SYNDIG1L: variants seen among roughly 807,000 people sequenced by gnomAD.
The protein encoded by SYNDIG1L is synapse differentiation-inducing gene protein 1-like.
In SYNDIG1L, 13 loss-of-function variants were observed where a neutral mutation model predicts 20.1. The ratio of observed to expected loss-of-function variants is 0.65; its 90% CI spans 0.42 to 1.03. The LOEUF (loss-of-function observed/expected upper bound fraction) is 1.03. Among genes scored for constraint, SYNDIG1L ranks in the 50% least tolerant of loss-of-function variants. The pLI is 0.00. For synonymous variants in SYNDIG1L, 128 were observed against 129.3 expected (o/e 0.99, Z 0.07); for missense variants, 294 against 305.1 (o/e 0.96, Z 0.27).
the SYNDIG1L span, among the ~76,000 whole-genome samples, chr14:74,442,085 G>T: frequency 6.6e-6 from 1 of 152,022 alleles, no homozygotes; most frequent in Non-Finnish European, 1.5e-5. Context: ...GTAACGTGGG[G>T]TTAATAATAG....
chr14:74,436,972 A>G, the SYNDIG1L span, among the ~76,000 whole-genome samples: 1 of 150,800 alleles, frequency 6.6e-6, no homozygotes, highest in Non-Finnish European at 1.5e-5. Context: ...TTTCCCTCCC[A>G]TAGCACTCAG....
the SYNDIG1L span, among the ~76,000 whole-genome samples, chr14:74,454,947 A>G: frequency 6.6e-6 from 1 of 152,256 alleles, no homozygotes; most frequent in African/African-American, 2.4e-5. Flanking sequence ...AGATGTGGTT[A>G]GCAGTTGTCT....
At chr14:74,476,299 C>A in the SYNDIG1L span, 21 of 624,398 alleles carry the variant, frequency 3.4e-5, 1 homozygote, top group Non-Finnish European at 5.7e-5. Flanking sequence ...CTGCCATGTT[C>A]AAGGCCAGCA....
At chr14:74,440,609 T>C in the SYNDIG1L span, among the ~76,000 whole-genome samples, 348 of 143,902 alleles carry the variant, frequency 2.4e-3, 1 homozygote, top group African/African-American at 8.5e-3. Context: ...GGCGTGAACC[T>C]GGGAGGCAGA....
chr14:74,416,880 A>T (rs961284999), intron 1 of SYNDIG1L, among the ~76,000 whole-genome samples: 1 of 152,312 alleles, frequency 6.6e-6, no homozygotes, highest in Non-Finnish European at 1.5e-5. Context: ...TGTCATCATC[A>T]TCTGCATTTT....
chr14:74,449,259 AAAGAAAG>A, the SYNDIG1L span, among the ~76,000 whole-genome samples: 1 of 151,542 alleles, frequency 6.6e-6, no homozygotes, highest in Non-Finnish European at 1.5e-5. Flanking sequence ...AGAAAAAAAA[AAAGAAAG>A]TGTTTTGAAC....
the SYNDIG1L span, among the ~76,000 whole-genome samples, chr14:74,443,139 G>A: frequency 6.6e-6 from 1 of 152,314 alleles, no homozygotes; most frequent in Non-Finnish European, 1.5e-5. Flanking sequence ...GAGGGGGCAG[G>A]GCTTGAGTCT....
At chr14:74,419,702 C>T (rs527458899) in intron 1 of SYNDIG1L, among the ~76,000 whole-genome samples, 25 of 152,260 alleles carry the variant, frequency 1.6e-4, no homozygotes, top group South Asian at 2.1e-4. Context: ...TAAGGGACCC[C>T]TATTGTGGGA....
chr14:74,446,666 G>A, the SYNDIG1L span, among the ~76,000 whole-genome samples: 6 of 150,684 alleles, frequency 4.0e-5, no homozygotes, highest in Non-Finnish European at 8.8e-5. Flanking sequence ...TCCCAGGCTG[G>A]AGTGTAGTGG....
the SYNDIG1L span, among the ~76,000 whole-genome samples, chr14:74,453,369 AAAAAAAAAAAAAAAAAAAAAAAG>A: frequency 1.0e-5 from 1 of 95,416 alleles, no homozygotes; most frequent in Non-Finnish European, 2.4e-5. Context: ...AAAAAAAAAA[AAAAAAAAAAAAAAAAAAAAAAAG>A]AAGAAGAAGA....
the SYNDIG1L span, among the ~76,000 whole-genome samples, chr14:74,462,699 T>A: frequency 2.0e-5 from 3 of 151,846 alleles, no homozygotes; most frequent in East Asian, 5.8e-4. Flanking sequence ...AGAGACAGGG[T>A]TTTACTATGT....
At chr14:74,474,424 A>C in the SYNDIG1L span, 1 of 152,444 alleles carries the variant, frequency 6.6e-6, no homozygotes, top group African/African-American at 2.4e-5. Context: ...GGGGTTGGCC[A>C]GGAACTTCAG....
At chr14:74,461,583 C>G in the SYNDIG1L span, among the ~76,000 whole-genome samples, 3 of 152,038 alleles carry the variant, frequency 2.0e-5, no homozygotes, top group African/African-American at 7.2e-5. Flanking sequence ...ATTTCCCATG[C>G]CCTTCTCTCT....
chr14:74,471,944 C>T, the SYNDIG1L span: 14 of 152,128 alleles, frequency 9.2e-5, no homozygotes, highest in South Asian at 2.1e-4. Flanking sequence ...TGTAATCATA[C>T]GAAATTTATT....
chr14:74,454,469 A>C, the SYNDIG1L span, among the ~76,000 whole-genome samples: 1 of 152,330 alleles, frequency 6.6e-6, no homozygotes, highest in East Asian at 1.9e-4. Context: ...GTGTAAGAGC[A>C]GCTAGGTGAC....
the SYNDIG1L span, among the ~76,000 whole-genome samples, chr14:74,466,040 C>T: frequency 6.6e-6 from 1 of 152,206 alleles, no homozygotes; most frequent in Non-Finnish European, 1.5e-5. Context: ...CAGAGAAGCG[C>T]AGCCTGACTG....
At chr14:74,423,266 C>A (rs1372429550) in intron 1 of SYNDIG1L, among the ~76,000 whole-genome samples, 1 of 152,210 alleles carries the variant, frequency 6.6e-6, no homozygotes, top group African/African-American at 2.4e-5. Flanking sequence ...ACCCTGACAG[C>A]TCTGGGAGTG....
At chr14:74,464,233 T>C in the SYNDIG1L span, among the ~76,000 whole-genome samples, 2 of 152,228 alleles carry the variant, frequency 1.3e-5, no homozygotes, top group East Asian at 3.9e-4. Flanking sequence ...GGGAATAACC[T>C]TGGCTAAGGA....
the SYNDIG1L span, among the ~76,000 whole-genome samples, chr14:74,439,596 G>A: frequency 6.6e-6 from 1 of 152,164 alleles, no homozygotes; most frequent in Non-Finnish European, 1.5e-5. Flanking sequence ...AATTATTCAA[G>A]TAGGCCAGGC....
Sources: gnomAD v4.1 joint callset for allele counts (sites outside exome capture counted in the v4.1 genomes callset) on GRCh38, gnomAD v4.1.1 for gene constraint, MANE v1.5 for transcripts, NCBI Gene and HGNC (gene_info 2026-07-23, HGNC 2026-07-21) for gene names.